ZFHX3: variants seen among roughly 807,000 people sequenced by gnomAD.
ZFHX3 encodes the protein zinc finger homeobox protein 3.
ZFHX3 carries 42 observed loss-of-function variants against 279.1 expected under a neutral mutation model. That is an observed-to-expected ratio of 0.15 (90% confidence interval 0.12 to 0.19). The LOEUF is 0.19. Ranked by LOEUF, ZFHX3 falls within the 10% of genes least tolerant of loss-of-function variation. ZFHX3 has a pLI of 1.00. For missense variants in ZFHX3, 4,981 were observed against 4,754.0 expected, an observed-to-expected ratio of 1.05 and a Z score of -1.40; for synonymous variants, 2,293 against 1,957.8, an observed-to-expected ratio of 1.17 and a Z score of -4.52.
intron 1 of ZFHX3, among the ~76,000 whole-genome samples, chr16:72,991,792 C>T (rs1465350722): frequency 1.3e-5 from 2 of 152,024 alleles, no homozygotes; most frequent in African/African-American, 4.8e-5. Context: ...GGTGTTTCAC[C>T]CACGCAACAC....
At chr16:73,576,398 C>T (rs1477351659) in intron 2 of ZFHX3, among the ~76,000 whole-genome samples, 1 of 152,168 alleles carries the variant, frequency 6.6e-6, no homozygotes, top group African/African-American at 2.4e-5. Context: ...ACCCCGGGCA[C>T]ACTCACACGT....
intron 2 of ZFHX3, among the ~76,000 whole-genome samples, chr16:73,484,189 C>T (rs2018930866): frequency 6.6e-6 from 1 of 152,012 alleles, no homozygotes; most frequent in Admixed American, 6.6e-5. Flanking sequence ...TAAAAACTGA[C>T]GTCTCAAAGA....
chr16:73,277,335 T>A (rs370679193), intron 4 of ZFHX3, among the ~76,000 whole-genome samples: 28 of 152,322 alleles, frequency 1.8e-4, no homozygotes, highest in African/African-American at 6.3e-4. Flanking sequence ...TTGCCTCAGA[T>A]GACAAATCAT....
In ZFHX3 at chr16:72,959,661, C is replaced by A; in HGVS notation, c.485G>T (p.Gly162Val). 6.2e-7 allele frequency: 1 copy of A among 1,613,860 alleles called. No homozygotes were observed. Among genetic ancestry groups the A allele is most frequent in the Non-Finnish European group, 8.5e-7 (1 of 1,179,956 alleles). Residue 162 changes from glycine (G) to valine (V), a missense_variant, in exon 2 of 10, where the codon GGC becomes GTC. Physicochemically the swap from Gly to Val is moderately radical, Grantham distance 109. This residue lies in a region of ZFHX3 where 1,068 missense variants were observed against 935.2 expected (regional missense o/e 1.14). Coordinates refer to ENST00000268489, the MANE Select transcript of ZFHX3 (RefSeq NM_006885.4). ...QGGGACGSGS[G>V]SGPLPSLFLN... The stretch of plus-strand genomic sequence containing the variant: ...GAAAAGCGAGGGGAGAGGCCCACTG[C>A]CACTGCCACTCCCACAGGCGCCCCC...
In ZFHX3 at chr16:73,708,079, T is replaced by TGG. The variant is rs57694938; in HGVS notation, c.-1607-27841_-1607-27840dup. On this transcript the variant is annotated intron_variant, in intron 1 of 17. Transcript: ENST00000641206. ...GAAATGTTTCATAATTTGGGTGTGG[T>TGG]GGGGGGGGGAAGTATTTACAATTAT... Among the ~76,000 whole-genome samples, 1,334 of 144,164 alleles carry TGG rather than the reference T, an allele frequency of 9.3e-3. 10 individuals are homozygous for TGG. Among genetic ancestry groups the TGG allele is most frequent in the Middle Eastern group, 0.026 (7 of 272 alleles). 94.6% of individuals were successfully genotyped at this position (144,164 alleles called of 152,430 possible).
intron 4 of ZFHX3, among the ~76,000 whole-genome samples, chr16:72,839,071 G>A (rs1229213007): frequency 2.0e-5 from 3 of 152,174 alleles, no homozygotes; most frequent in East Asian, 3.9e-4. Flanking sequence ...ACAGAGCCAT[G>A]ATTGTTGCTG....
intron 2 of ZFHX3, among the ~76,000 whole-genome samples, chr16:73,478,242 G>A (rs1237674004): frequency 1.4e-5 from 2 of 145,610 alleles, no homozygotes; most frequent in South Asian, 2.2e-4. Context: ...CTCCAGCCTG[G>A]TGACAGAGCG....
intron 1 of ZFHX3, among the ~76,000 whole-genome samples, chr16:73,723,166 C>A (rs1448303053): frequency 6.6e-6 from 1 of 152,194 alleles, no homozygotes; most frequent in Non-Finnish European, 1.5e-5. Context: ...ACGGACTGAT[C>A]TTTCACTGTT....
intron 2 of ZFHX3, among the ~76,000 whole-genome samples, chr16:73,644,998 T>C (rs922453925): frequency 1.3e-5 from 2 of 152,166 alleles, no homozygotes; most frequent in Non-Finnish European, 2.9e-5. Context: ...GCTGAATACC[T>C]GATTCACTGG....
intron 2 of ZFHX3, among the ~76,000 whole-genome samples, chr16:73,594,893 G>A (rs949085408): frequency 1.1e-4 from 17 of 152,074 alleles, no homozygotes. Context: ...TATGGTCTGA[G>A]TACAGGGTCC....
chr16:73,491,308 T>C (rs1444195533), intron 2 of ZFHX3, among the ~76,000 whole-genome samples: 1 of 152,188 alleles, frequency 6.6e-6, no homozygotes, highest in Non-Finnish European at 1.5e-5. Context: ...CCAGAGGTGA[T>C]ACATGTCACT....
Position 72,787,119 on chromosome 16 carries a change from T to C in ZFHX3, c.*45A>G. 4.4e-6 allele frequency: 6 copies of C among 1,353,292 alleles called. No individual in the cohort carries two copies. Among genetic ancestry groups the C allele is most frequent in the Non-Finnish European group, 4.8e-6 (5 of 1,042,396 alleles). 83.8% of individuals were successfully genotyped at this position (1,353,292 alleles called of 1,614,324 possible). On this transcript the variant is annotated 3_prime_UTR_variant, in exon 10 of 10. Coordinates refer to ENST00000268489, the MANE Select transcript of ZFHX3 (RefSeq NM_006885.4). ...ATTTTTGAAATTGGTTTGTTATTAA[T>C]TTTTGTATTTAAATTCATTTGTTTG...
intron 3 of ZFHX3, among the ~76,000 whole-genome samples, chr16:73,436,465 C>T (rs894957653): frequency 6.6e-6 from 1 of 152,090 alleles, no homozygotes; most frequent in East Asian, 1.9e-4. Context: ...CTTATAAAAC[C>T]ATCAGATGTC....
intron 8 of ZFHX3, chr16:73,092,597 C>T (rs1405555723): frequency 3.8e-5 from 9 of 238,200 alleles, no homozygotes; most frequent in African/African-American, 1.4e-4. Flanking sequence ...TGTTCCAGTA[C>T]GTTCCATCAA....
intron 2 of ZFHX3, among the ~76,000 whole-genome samples, chr16:73,474,168 C>T (rs1044713830): frequency 6.6e-6 from 1 of 151,984 alleles, no homozygotes; most frequent in African/African-American, 2.4e-5. Flanking sequence ...GACAGAGTCT[C>T]GCTCTCTCTC....
chr16:73,245,822 A>C (rs2013264236), intron 5 of ZFHX3, among the ~76,000 whole-genome samples: 1 of 152,156 alleles, frequency 6.6e-6, no homozygotes, highest in Admixed American at 6.5e-5. Flanking sequence ...TAGTAATTGA[A>C]GAAGTGAAAG....
intron 1 of ZFHX3, among the ~76,000 whole-genome samples, chr16:73,730,552 G>T (rs1005112588): frequency 2.6e-5 from 4 of 152,060 alleles, no homozygotes; most frequent in Non-Finnish European, 5.9e-5. Context: ...CAAGTACCCG[G>T]AGACATCTAA....
chr16:73,074,980 T>G (rs1280167632), intron 8 of ZFHX3, among the ~76,000 whole-genome samples: 3 of 145,218 alleles, frequency 2.1e-5, no homozygotes, highest in African/African-American at 4.9e-5. Flanking sequence ...CTAATTTTTG[T>G]TTTTTTTTGT....
chr16:72,903,930 C>T (rs898796836), intron 3 of ZFHX3, among the ~76,000 whole-genome samples: 1 of 152,206 alleles, frequency 6.6e-6, no homozygotes, highest in Non-Finnish European at 1.5e-5. Context: ...CTCCTCTGGG[C>T]CCTTCAGCCC....
Sources: gnomAD v4.1 joint callset for allele counts (sites outside exome capture counted in the v4.1 genomes callset) on GRCh38, gnomAD v4.1.1 for gene constraint, gnomAD v4.1.1 regional missense constraint, MANE v1.5 for transcripts, NCBI Gene and HGNC (gene_info 2026-07-23, HGNC 2026-07-21) for gene names.